B3GALT1: variants seen among roughly 807,000 people sequenced by gnomAD.
B3GALT1 encodes the protein UDP-Gal:betaGlcNAc beta 1,3-galactosyltransferase, polypeptide 1.
Under a neutral mutation model 23.2 loss-of-function variants are expected in B3GALT1, and 10 were observed. The observed-to-expected ratio is 0.43, with a 90% CI of 0.27 to 0.73. The LOEUF is 0.73. B3GALT1 is among the 30% of genes least tolerant of loss of function. The pLI, the probability that B3GALT1 is intolerant of heterozygous loss-of-function variation, is 0.21. For missense variants in B3GALT1, 299 were observed against 405.4 expected (o/e 0.74, Z 2.25); for synonymous variants, 156 against 141.5 (o/e 1.10, Z -0.73).
intron 3 of B3GALT1, among the ~76,000 whole-genome samples, chr2:167,816,838 A>G (rs1046644630): frequency 1.3e-5 from 2 of 152,222 alleles, no homozygotes; most frequent in Non-Finnish European, 2.9e-5. Context: ...TATGCACTTT[A>G]AAGAGCAGAA....
chr2:167,405,873 C>G (rs1209773416), intron 1 of B3GALT1, among the ~76,000 whole-genome samples: 1 of 151,874 alleles, frequency 6.6e-6, no homozygotes, highest in Non-Finnish European at 1.5e-5. Context: ...ATTATATACT[C>G]TAAGGACTCA....
intron 1 of B3GALT1, among the ~76,000 whole-genome samples, chr2:167,303,682 C>CACACACACAGAG (rs535369991): frequency 6.7e-6 from 1 of 148,830 alleles, no homozygotes; most frequent in Non-Finnish European, 1.5e-5. Context: ...CACACACACA[C>CACACACACAGAG]AGAGAGAGAC....
At chr2:167,420,933 T>TA (rs1698538940) in intron 1 of B3GALT1, among the ~76,000 whole-genome samples, 1 of 152,152 alleles carries the variant, frequency 6.6e-6, no homozygotes, top group African/African-American at 2.4e-5. Flanking sequence ...AGTAAGTAGC[T>TA]AAAAAATGTA....
At chr2:167,714,662 C>G (rs185970667) in intron 3 of B3GALT1, 2 of 1,613,786 alleles carry the variant, frequency 1.2e-6, no homozygotes, top group African/African-American at 1.3e-5. Flanking sequence ...TTCAGCAGTC[C>G]GAGCTGCCAA....
chr2:167,506,240 T>C (rs935747427), intron 2 of B3GALT1, among the ~76,000 whole-genome samples: 3 of 152,228 alleles, frequency 2.0e-5, no homozygotes, highest in Admixed American at 6.5e-5. Flanking sequence ...TTTTTTGATG[T>C]GATTGTTGTC....
At chr2:167,854,399 G>A (rs189202116) in intron 4 of B3GALT1, among the ~76,000 whole-genome samples, 1 of 152,122 alleles carries the variant, frequency 6.6e-6, no homozygotes, top group Non-Finnish European at 1.5e-5. Context: ...CATGAACAAT[G>A]CAGCCCAAAA....
rs1553467948 is a variant in B3GALT1 at position 167,563,947 on chromosome 2, C to CAG, written c.-410+73670_-410+73671insAG. ...CTCCCAGACGGGGCGGCTGGCCAGG[C>CAG]GGGGCCGACCCCCCCACCTCCCTTC... is the stretch of plus-strand genomic sequence containing the variant. On this transcript the variant is annotated intron_variant, in intron 2 of 4. Transcript: ENST00000392690. 8.7e-3 allele frequency among the ~76,000 whole-genome samples: 1,061 copies of CAG among 121,652 alleles called. 35 individuals are homozygous for CAG. Among genetic ancestry groups the CAG allele is most frequent in the African/African-American group, 0.034 (997 of 29,702 alleles). 79.8% of individuals were successfully genotyped at this position (121,652 alleles called of 152,430 possible).
intron 3 of B3GALT1, among the ~76,000 whole-genome samples, chr2:167,690,464 A>C (rs72875087): frequency 0.11 from 16,389 of 152,116 alleles, 1,152 homozygotes; most frequent in Middle Eastern, 0.21. Context: ...TCCTTAAAAA[A>C]CATAATTGTC....
rs3062767 is a variant in B3GALT1, at chr2:167,745,626, CTTG to C, written c.-351-73039_-351-73037del. Among the ~76,000 whole-genome samples, 1,114 of 152,016 alleles carry C rather than the reference CTTG, an allele frequency of 7.3e-3. 7 individuals carry two copies. The highest frequency in any genetic ancestry group is 0.018 in the South Asian group (88 of 4,808). Reference sequence around the variant, plus strand: ...AGATATTCTATTGGCTTATGATTCCCTTGTTGTTGAGAATCTTACTATCATATT... The same window carrying C: ...AGATATTCTATTGGCTTATGATTCCCTTGTTGAGAATCTTACTATCATATT... On this transcript the variant is annotated intron_variant, in intron 3 of 4. Coordinates refer to ENST00000392690, the MANE Select transcript of B3GALT1 (RefSeq NM_020981.4).
At chr2:167,344,682 G>A (rs1697201874) in intron 1 of B3GALT1, among the ~76,000 whole-genome samples, 1 of 152,146 alleles carries the variant, frequency 6.6e-6, no homozygotes, top group Non-Finnish European at 1.5e-5. Context: ...TGTGAGCTCT[G>A]GTGTGGCAAG....
intron 1 of B3GALT1, among the ~76,000 whole-genome samples, chr2:167,487,911 C>T (rs955940834): frequency 6.6e-6 from 1 of 152,156 alleles, no homozygotes; most frequent in African/African-American, 2.4e-5. Flanking sequence ...AGCAGAATGA[C>T]CAGAAGTAGA....
chr2:167,464,797 A>T (rs1699319842), intron 1 of B3GALT1, among the ~76,000 whole-genome samples: 1 of 152,204 alleles, frequency 6.6e-6, no homozygotes, highest in South Asian at 2.1e-4. Flanking sequence ...TTACAGTGAT[A>T]TTGTATATAC....
At chr2:167,570,199 C>A (rs1684264462) in intron 2 of B3GALT1, among the ~76,000 whole-genome samples, 1 of 151,766 alleles carries the variant, frequency 6.6e-6, no homozygotes. Context: ...GAATTACTTT[C>A]TCTGCTTCTG....
chr2:167,815,085 T>C (rs574596953), intron 3 of B3GALT1: 1 of 152,372 alleles, frequency 6.6e-6, no homozygotes, highest in East Asian at 1.9e-4. Context: ...CAGGGTCAGC[T>C]CAGGTCTGTG....
chr2:167,529,357 T>G (rs1683280748), intron 2 of B3GALT1, among the ~76,000 whole-genome samples: 1 of 151,942 alleles, frequency 6.6e-6, no homozygotes, highest in Non-Finnish European at 1.5e-5. Context: ...ATACCATCTA[T>G]GTACACTGGC....
chr2:167,537,240 TATTC>T (rs1214523507), intron 2 of B3GALT1, among the ~76,000 whole-genome samples: 1 of 152,090 alleles, frequency 6.6e-6, no homozygotes, highest in African/African-American at 2.4e-5. Context: ...TCATGAGACT[TATTC>T]ATTCACTACC....
intron 1 of B3GALT1, among the ~76,000 whole-genome samples, chr2:167,478,914 A>G (rs765891266): frequency 3.4e-4 from 52 of 152,210 alleles, no homozygotes; most frequent in Non-Finnish European, 6.5e-4. Flanking sequence ...AACTTTTCAG[A>G]TATAAGCTTC....
intron 1 of B3GALT1, among the ~76,000 whole-genome samples, chr2:167,373,899 T>G (rs1228097424): frequency 6.6e-6 from 1 of 152,154 alleles, no homozygotes; most frequent in Admixed American, 6.5e-5. Flanking sequence ...CATGTGTAGG[T>G]TTCTTACCTG....
intron 1 of B3GALT1, among the ~76,000 whole-genome samples, chr2:167,347,749 T>C (rs371879264): frequency 3.9e-5 from 6 of 152,282 alleles, no homozygotes; most frequent in African/African-American, 1.4e-4. Flanking sequence ...ACCATGCGTT[T>C]GTTGCTTTTC....
Sources: allele counts gnomAD v4.1 joint callset (sites outside exome capture counted in the v4.1 genomes callset), GRCh38; gene constraint gnomAD v4.1.1; transcripts MANE v1.5; gene names NCBI Gene and HGNC (gene_info 2026-07-23, HGNC 2026-07-21).